Variants in NUDT4 observed in about 807,000 individuals in gnomAD.
The protein encoded by NUDT4 is diphosphoinositol polyphosphate phosphohydrolase 2.
Under a neutral mutation model 23.1 loss-of-function variants are expected in NUDT4, and 5 were observed. The observed-to-expected ratio is 0.22, with a 90% CI of 0.11 to 0.46. The LOEUF (loss-of-function observed/expected upper bound fraction) is 0.46, where lower values mean the gene tolerates loss of function less well. NUDT4 is among the 20% of genes least tolerant of loss of function. The pLI, the probability that NUDT4 is intolerant of heterozygous loss-of-function variation, is 0.99. For missense variants in NUDT4, 96 were observed against 211.6 expected (o/e 0.45, Z 3.39); for synonymous variants, 50 against 79.0 (o/e 0.63, Z 1.95).
intron 1 of NUDT4, among the ~76,000 whole-genome samples, chr12:93,393,989 T>G (rs1008682270): frequency 5.3e-5 from 8 of 152,188 alleles, no homozygotes; most frequent in African/African-American, 1.7e-4. Context: ...CATACAACTC[T>G]GGCTAATAAG....
chr12:93,392,149 C>T (rs1264789527), intron 1 of NUDT4, among the ~76,000 whole-genome samples: 2 of 151,418 alleles, frequency 1.3e-5, no homozygotes, highest in Non-Finnish European at 2.9e-5. Flanking sequence ...TCCCAAAGTG[C>T]TGGGATTATA....
intron 1 of NUDT4, among the ~76,000 whole-genome samples, chr12:93,389,794 G>C (rs546522287): frequency 6.6e-6 from 1 of 151,736 alleles, no homozygotes; most frequent in Non-Finnish European, 1.5e-5. Flanking sequence ...CCAGCTACTC[G>C]GGAGGCTGAG....
At chr12:93,388,207 A>T (rs1565778544) in intron 1 of NUDT4, among the ~76,000 whole-genome samples, 1 of 152,254 alleles carries the variant, frequency 6.6e-6, no homozygotes, top group African/African-American at 2.4e-5. Flanking sequence ...GACCAAATTT[A>T]TTCTTCCTGA....
intron 1 of NUDT4, among the ~76,000 whole-genome samples, chr12:93,379,866 G>T (rs1359359469): frequency 1.3e-5 from 2 of 152,190 alleles, no homozygotes; most frequent in Non-Finnish European, 2.9e-5. Context: ...TAAAAGAAAT[G>T]ATAGCCAAAA....
intron 1 of NUDT4, among the ~76,000 whole-genome samples, chr12:93,382,795 G>A (rs1483430358): frequency 6.6e-6 from 1 of 150,612 alleles, no homozygotes; most frequent in Non-Finnish European, 1.5e-5. Context: ...TCAAGTAGCT[G>A]GGACTACAGG....
rs1354224405 is a variant in NUDT4 at position 93,405,341 on chromosome 12, G to C, written c.*5962G>C. The C allele has an allele frequency of 2.6e-4, 39 of 152,174 alleles. No homozygotes were observed. The highest frequency in any genetic ancestry group is 2.6e-3 in the Admixed American group (39 of 15,282). 9.4% of individuals were successfully genotyped at this position (152,174 alleles called of 1,614,324 possible). ...ATCAGGAGTCTTTAAAAATAAAACT[G>C]AGAAAGAAAAATCATGTGATCAATT... is the stretch of plus-strand genomic sequence containing the variant. On this transcript the variant is annotated 3_prime_UTR_variant, in exon 5 of 5. Coordinates refer to ENST00000415493, the MANE Select transcript of NUDT4 (RefSeq NM_019094.6).
At chr12:93,389,411 G>A (rs1387701603) in intron 1 of NUDT4, among the ~76,000 whole-genome samples, 1 of 152,046 alleles carries the variant, frequency 6.6e-6, no homozygotes, top group Non-Finnish European at 1.5e-5. Flanking sequence ...GGCGGAGGTT[G>A]CAGTGAGCCG....
At chr12:93,385,239 A>G (rs1261400245) in intron 1 of NUDT4, 1 of 152,210 alleles carries the variant, frequency 6.6e-6, no homozygotes, top group African/African-American at 2.4e-5. Context: ...GTAGGAAGAA[A>G]GAATGCTTAT....
intron 1 of NUDT4, among the ~76,000 whole-genome samples, chr12:93,393,321 G>A (rs1236109155): frequency 3.3e-5 from 5 of 151,654 alleles, no homozygotes; most frequent in Non-Finnish European, 5.9e-5. Flanking sequence ...CCAGGCTGGT[G>A]TGGAACTCCT....
intron 1 of NUDT4, among the ~76,000 whole-genome samples, chr12:93,389,171 T>C (rs1428809126): frequency 6.6e-6 from 1 of 152,140 alleles, no homozygotes. Context: ...TTATCGGCCT[T>C]TTTTTTGAAA....
chr12:93,398,433 C>G (rs1340297846), intron 3 of NUDT4, among the ~76,000 whole-genome samples: 1 of 151,406 alleles, frequency 6.6e-6, no homozygotes, highest in African/African-American at 2.4e-5. Flanking sequence ...TACCTGTAAG[C>G]TCAGTTTTTG....
At chr12:93,395,897 T>TA (rs1016319077) in intron 3 of NUDT4, among the ~76,000 whole-genome samples, 1 of 152,278 alleles carries the variant, frequency 6.6e-6, no homozygotes, top group African/African-American at 2.4e-5. Context: ...AGTTTTGTAT[T>TA]TTTAATAGAG....
intron 1 of NUDT4, among the ~76,000 whole-genome samples, chr12:93,394,224 G>C (rs900443109): frequency 2.0e-5 from 3 of 152,072 alleles, no homozygotes; most frequent in African/African-American, 7.2e-5. Flanking sequence ...GGATGATCTC[G>C]ATCTCCTGAC....
Position 93,400,405 on chromosome 12 carries a change from T to G in NUDT4, c.*1026T>G, listed in dbSNP as rs2120990552. ...TTAGAATGTCTCATCTTTTCTAGGT[T>G]GTCAACAGGTACTATTTGTCACATA... On this transcript the variant is annotated 3_prime_UTR_variant, in exon 5 of 5. Coordinates refer to ENST00000415493, the MANE Select transcript of NUDT4 (RefSeq NM_019094.6). 6.6e-6 allele frequency: 1 copy of G among 152,378 alleles called. No individual in the cohort carries two copies. Among genetic ancestry groups the G allele is most frequent in the Admixed American group, 6.5e-5 (1 of 15,306 alleles). 9.4% of individuals were successfully genotyped at this position (152,378 alleles called of 1,614,324 possible). A position where few individuals can be genotyped will look rare whatever the true frequency, so the allele number is the denominator to read the frequency against.
chr12:93,398,784 A>G lies in NUDT4; in HGVS notation c.269A>G (p.Lys90Arg). The G allele has an allele frequency of 6.2e-7, 1 of 1,603,530 alleles. No homozygotes were observed. The highest frequency in any genetic ancestry group is 1.1e-5 in the South Asian group (1 of 89,942). Residue 90 changes from lysine (K) to arginine (R), a missense_variant, in exon 4 of 5, where the codon AAG becomes AGG. By Grantham distance (26) the Lys-to-Arg change is conservative. Transcript: ENST00000415493. ...ATATTCAAGCAGAACCAAGACCGAA[A>G]GCACAGAACATATGTTTATGTTCTA... is the stretch of plus-strand genomic sequence containing the variant. ...LLGIFENQDR[K>R]HRTYVYVLTV...
intron 1 of NUDT4, among the ~76,000 whole-genome samples, chr12:93,386,101 G>T (rs190224699): frequency 6.6e-6 from 1 of 151,242 alleles, no homozygotes; most frequent in Non-Finnish European, 1.5e-5. Context: ...TCAGCCCCCC[G>T]AGTAGCTTGG....
chr12:93,387,076 C>G (rs1287616931), intron 1 of NUDT4, among the ~76,000 whole-genome samples: 1 of 151,898 alleles, frequency 6.6e-6, no homozygotes, highest in Non-Finnish European at 1.5e-5. Flanking sequence ...GGATTACAGG[C>G]GTGCACCACC....
At chr12:93,397,370 G>A (rs1412912482) in intron 3 of NUDT4, among the ~76,000 whole-genome samples, 1 of 152,118 alleles carries the variant, frequency 6.6e-6, no homozygotes, top group Middle Eastern at 3.2e-3. Flanking sequence ...AAAACCCACT[G>A]TTTTGAGTAG....
At chr12:93,392,876 A>G (rs1202942059) in intron 1 of NUDT4, among the ~76,000 whole-genome samples, 4 of 130,834 alleles carry the variant, frequency 3.1e-5, no homozygotes, top group Non-Finnish European at 4.9e-5. Flanking sequence ...ACGGGGTTTC[A>G]CCATGTTTTG....
Sources: gnomAD v4.1 joint callset for allele counts (sites outside exome capture counted in the v4.1 genomes callset) on GRCh38, gnomAD v4.1.1 for gene constraint, MANE v1.5 for transcripts, NCBI Gene and HGNC (gene_info 2026-07-23, HGNC 2026-07-21) for gene names.